BRINP3: variants seen among roughly 807,000 people sequenced by gnomAD.
BRINP3 encodes the protein BMP/retinoic acid-inducible neural-specific protein 3.
BRINP3 carries 19 observed loss-of-function variants against 71.0 expected under a neutral mutation model. That is an observed-to-expected ratio of 0.27 (90% CI 0.19 to 0.39). BRINP3 has a LOEUF of 0.39. Among genes scored for constraint, BRINP3 ranks in the 10% least tolerant of loss-of-function variants. The pLI, the probability that BRINP3 is intolerant of heterozygous loss-of-function variation, is 1.00. For synonymous variants in BRINP3, 380 were observed against 337.7 expected (o/e 1.13, Z -1.37); for missense variants, 959 against 940.8 (o/e 1.02, Z -0.25).
chr1:190,258,161 G>A (rs553197303), intron 4 of BRINP3, among the ~76,000 whole-genome samples: 3 of 152,180 alleles, frequency 2.0e-5, no homozygotes, highest in Non-Finnish European at 4.4e-5. Flanking sequence ...TTCCCCAGCT[G>A]CTTTGTTCAA....
intron 2 of BRINP3, among the ~76,000 whole-genome samples, chr1:190,285,316 G>A (rs1340379336): frequency 6.6e-6 from 1 of 152,104 alleles, no homozygotes; most frequent in African/African-American, 2.4e-5. Context: ...TGGCCATGTG[G>A]CTTACTTTGA....
intron 7 of BRINP3, among the ~76,000 whole-genome samples, chr1:190,120,909 C>T (rs908501388): frequency 1.3e-5 from 2 of 152,062 alleles, no homozygotes; most frequent in African/African-American, 4.8e-5. Flanking sequence ...ACAATGCCAA[C>T]AGATAGGCAT....
rs570091091 is a variant in BRINP3, at chr1:190,178,995, C to T, written c.962-18105G>A. Among the ~76,000 whole-genome samples the T allele has an allele frequency of 1.1e-4, 16 of 152,220 alleles. No homozygotes were observed. In the South Asian group the frequency reaches 2.7e-3, roughly 26 times the overall value. Reference sequence around the variant, plus strand: ...AGCAGACATCAGTAGAATTAGATAACGCCTACCTTTCTCCTTTCTTTTATT... The same window carrying T: ...AGCAGACATCAGTAGAATTAGATAATGCCTACCTTTCTCCTTTCTTTTATT... On this transcript the variant is annotated intron_variant, in intron 6 of 7. Transcript: ENST00000367462.
chr1:190,335,935 T>C (rs1190107485), intron 2 of BRINP3, among the ~76,000 whole-genome samples: 2 of 152,004 alleles, frequency 1.3e-5, no homozygotes, highest in African/African-American at 2.4e-5. Context: ...ACAGAACTTA[T>C]TTGTGATCCC....
chr1:190,238,252 C>T (rs990159121), intron 4 of BRINP3, among the ~76,000 whole-genome samples: 2 of 151,760 alleles, frequency 1.3e-5, no homozygotes, highest in East Asian at 1.9e-4. Context: ...ATATTTGGCT[C>T]GTATTCAATT....
intron 2 of BRINP3, among the ~76,000 whole-genome samples, chr1:190,351,158 A>G (rs2102047963): frequency 6.6e-6 from 1 of 152,208 alleles, no homozygotes; most frequent in East Asian, 1.9e-4. Flanking sequence ...GAAGTAGACA[A>G]AGAATGTCAC....
chr1:190,152,793 C>T (rs1269274079), intron 7 of BRINP3, among the ~76,000 whole-genome samples: 1 of 151,950 alleles, frequency 6.6e-6, no homozygotes, highest in South Asian at 2.1e-4. Context: ...TCATTATAGT[C>T]GTACTCTGCC....
intron 2 of BRINP3, chr1:190,342,744 A>C (rs1235858225): frequency 1.3e-5 from 2 of 151,796 alleles, no homozygotes; most frequent in African/African-American, 4.8e-5. Flanking sequence ...AAGGGAAATA[A>C]ATGTGATTAT....
At chr1:190,295,323 T>A (rs1164669186) in intron 2 of BRINP3, among the ~76,000 whole-genome samples, 5 of 152,104 alleles carry the variant, frequency 3.3e-5, no homozygotes, top group Non-Finnish European at 7.3e-5. Flanking sequence ...ACTTGGGTCT[T>A]AGGCAAAGCC....
intron 2 of BRINP3, among the ~76,000 whole-genome samples, chr1:190,408,145 C>T (rs1347089516): frequency 2.0e-5 from 3 of 150,856 alleles, no homozygotes; most frequent in South Asian, 2.1e-4. Flanking sequence ...CCTCAACCTC[C>T]GGAGTAGCTG....
At position 190,150,266 on chromosome 1, in the gene BRINP3, A is replaced by ATGTG. The variant is rs10640861; in HGVS notation, c.1184+10398_1184+10401dup. On this transcript the variant is annotated intron_variant, in intron 7 of 7. Transcript: ENST00000367462. ...TGAGTTGGTATATATGTGCATATCT[A>ATGTG]TGTGTGTGTGTGTGTGTGTGTGTAC... Among the ~76,000 whole-genome samples, 639 of 128,192 alleles carry ATGTG rather than the reference A, an allele frequency of 5.0e-3. 1 individual carries two copies. Among genetic ancestry groups the ATGTG allele is most frequent in the African/African-American group, 0.016 (499 of 31,612 alleles). 84.1% of individuals were successfully genotyped at this position (128,192 alleles called of 152,430 possible).
At chr1:190,171,735 C>T (rs1395302249) in intron 6 of BRINP3, among the ~76,000 whole-genome samples, 1 of 152,072 alleles carries the variant, frequency 6.6e-6, no homozygotes, top group Non-Finnish European at 1.5e-5. Flanking sequence ...TTGAGTATCT[C>T]TACACATAAC....
At chr1:190,466,781 C>G (rs1027423895) in intron 1 of BRINP3, among the ~76,000 whole-genome samples, 1 of 151,226 alleles carries the variant, frequency 6.6e-6, no homozygotes, top group Admixed American at 6.6e-5. Context: ...AACAAGAGAA[C>G]TTGGCATGTA....
At position 190,238,628 on chromosome 1, in the gene BRINP3, A is replaced by G. The variant is rs535764948; in HGVS notation, c.619-4151T>C. 2.0e-5 allele frequency among the ~76,000 whole-genome samples: 3 copies of G among 152,250 alleles called. No homozygotes were observed. The East Asian group carries it at 5.8e-4, about 29-fold the overall frequency. ...AAGTCTTATAAGCATACAAAGCCAG[A>G]CGATGCCAAGTGGTGACAATACAGT... On this transcript the variant is annotated intron_variant, in intron 4 of 7. Coordinates refer to ENST00000367462, the MANE Select transcript of BRINP3 (RefSeq NM_199051.3).
intron 2 of BRINP3, among the ~76,000 whole-genome samples, chr1:190,414,071 C>T (rs550013509): frequency 6.6e-6 from 1 of 152,092 alleles, no homozygotes; most frequent in African/African-American, 2.4e-5. Flanking sequence ...CAGGCATGAG[C>T]CACCCTACCT....
intron 2 of BRINP3, among the ~76,000 whole-genome samples, chr1:190,341,757 A>G (rs1276284989): frequency 6.6e-6 from 1 of 151,870 alleles, no homozygotes; most frequent in Non-Finnish European, 1.5e-5. Context: ...ACACAGATGT[A>G]AAAACATACA....
intron 2 of BRINP3, among the ~76,000 whole-genome samples, chr1:190,312,210 G>C (rs933911495): frequency 1.3e-5 from 2 of 150,516 alleles, no homozygotes; most frequent in African/African-American, 4.9e-5. Context: ...GCGAATTTAT[G>C]TTATTGCAAA....
intron 4 of BRINP3, among the ~76,000 whole-genome samples, chr1:190,243,050 C>T (rs547839742): frequency 3.9e-5 from 6 of 152,194 alleles, no homozygotes; most frequent in African/African-American, 1.2e-4. Flanking sequence ...CCTCAACTAT[C>T]CCCATGTAAA....
chr1:190,333,333 G>A (rs1020831386), intron 2 of BRINP3, among the ~76,000 whole-genome samples: 1 of 151,850 alleles, frequency 6.6e-6, no homozygotes, highest in Non-Finnish European at 1.5e-5. Context: ...AAGAGTATAG[G>A]TATGGTGATC....
Sources: gnomAD v4.1 joint callset for allele counts (sites outside exome capture counted in the v4.1 genomes callset) on GRCh38, gnomAD v4.1.1 for gene constraint, MANE v1.5 for transcripts, NCBI Gene and HGNC (gene_info 2026-07-23, HGNC 2026-07-21) for gene names.